RIN2: variants seen among roughly 807,000 people sequenced by gnomAD.
RIN2 encodes RAB5 interacting protein 2.
RIN2 carries 36 observed loss-of-function variants against 78.0 expected under a neutral mutation model. The ratio of observed to expected loss-of-function variants is 0.46; its 90% CI spans 0.35 to 0.61. RIN2 has a LOEUF of 0.61. RIN2 is among the 20% of genes least tolerant of loss of function. The pLI is 0.00. For synonymous variants in RIN2, 466 were observed against 466.8 expected (o/e 1.00, Z 0.02); for missense variants, 1,087 against 1,159.7 (o/e 0.94, Z 0.91).
At position 19,920,168 on chromosome 20, in the gene RIN2, C is replaced by T. The variant is rs181915053; in HGVS notation, c.58-14931C>T. ...AAAATTAGCCAGGCATGGTGGCGGGCGCCTATAGTCCCAGCTACTTGGGAG... is the reference window on the plus strand; with the variant it reads ...AAAATTAGCCAGGCATGGTGGCGGGTGCCTATAGTCCCAGCTACTTGGGAG... On this transcript the variant is annotated intron_variant, in intron 3 of 12. Coordinates refer to ENST00000255006, the MANE Select transcript of RIN2 (RefSeq NM_018993.4). 8.1e-3 allele frequency among the ~76,000 whole-genome samples: 1,231 copies of T among 152,042 alleles called. 13 individuals carry two copies. The highest frequency in any genetic ancestry group is 0.013 in the Non-Finnish European group (850 of 67,978).
chr20:19,861,437 A>G (rs2123281706), intron 2 of RIN2, among the ~76,000 whole-genome samples: 1 of 152,266 alleles, frequency 6.6e-6, no homozygotes. Context: ...GCACTTCCTT[A>G]TAAAATCTAG....
At chr20:19,819,296 GAGA>G (rs1568781705) in intron 2 of RIN2, among the ~76,000 whole-genome samples, 1 of 152,222 alleles carries the variant, frequency 6.6e-6, no homozygotes, top group East Asian at 1.9e-4. Context: ...ACACAGCAGA[GAGA>G]AGAAGAACCA....
intron 10 of RIN2, among the ~76,000 whole-genome samples, chr20:19,991,612 A>C (rs555935581): frequency 5.9e-5 from 9 of 152,214 alleles, no homozygotes; most frequent in Non-Finnish European, 1.0e-4. Flanking sequence ...AGAAGTAAAC[A>C]CTAACATTTT....
At chr20:19,813,063 C>T (rs1016384136) in intron 2 of RIN2, among the ~76,000 whole-genome samples, 42 of 152,200 alleles carry the variant, frequency 2.8e-4, no homozygotes, top group African/African-American at 8.0e-4. Flanking sequence ...GCAGGAAGAA[C>T]ACAGGCACTA....
intron 2 of RIN2, among the ~76,000 whole-genome samples, chr20:19,801,646 T>G (rs572988131): frequency 2.1e-4 from 32 of 152,314 alleles, no homozygotes; most frequent in African/African-American, 7.7e-4. Context: ...GTGATCAATG[T>G]CTCTATCCCT....
intron 1 of RIN2, among the ~76,000 whole-genome samples, chr20:19,786,991 A>G (rs773518398): frequency 3.9e-5 from 6 of 152,172 alleles, no homozygotes; most frequent in Admixed American, 3.3e-4. Context: ...TTGTTTCTGG[A>G]TGGGATAAAG....
intron 3 of RIN2, among the ~76,000 whole-genome samples, chr20:19,918,691 A>G (rs2039784737): frequency 6.6e-6 from 1 of 151,998 alleles, no homozygotes. Context: ...TCTCTTTTCT[A>G]CTGGACAAAC....
chr20:19,809,944 T>C (rs753370756), intron 2 of RIN2, among the ~76,000 whole-genome samples: 1 of 152,090 alleles, frequency 6.6e-6, no homozygotes. Flanking sequence ...CCAGGAAAGC[T>C]AGATGGCCGC....
At chr20:19,992,605 A>G (rs980783982) in intron 11 of RIN2, among the ~76,000 whole-genome samples, 3 of 152,212 alleles carry the variant, frequency 2.0e-5, no homozygotes, top group Non-Finnish European at 4.4e-5. Context: ...CAAAAGTAAT[A>G]CACACTCGTG....
chr20:19,902,097 T>G (rs2039014722), intron 3 of RIN2, among the ~76,000 whole-genome samples: 1 of 152,128 alleles, frequency 6.6e-6, no homozygotes, highest in African/African-American at 2.4e-5. Context: ...ACCATTAACT[T>G]ATTTAATCCT....
intron 4 of RIN2, among the ~76,000 whole-genome samples, chr20:19,942,739 CT>C (rs1360573949): frequency 6.6e-6 from 1 of 152,170 alleles, no homozygotes; most frequent in African/African-American, 2.4e-5. Context: ...GAAATTGATT[CT>C]GTTTTTGTTG....
intron 2 of RIN2, among the ~76,000 whole-genome samples, chr20:19,875,391 T>TC (rs1350182587): frequency 6.6e-6 from 1 of 152,024 alleles, no homozygotes; most frequent in Non-Finnish European, 1.5e-5. Flanking sequence ...GGTCTCAAAC[T>TC]CCTGACCTTG....
intron 3 of RIN2, among the ~76,000 whole-genome samples, chr20:19,898,504 TAAATAGTAAAACTGGTTCAAA>T (rs2038838956): frequency 6.6e-6 from 1 of 152,214 alleles, no homozygotes; most frequent in Non-Finnish European, 1.5e-5. Context: ...AGGAAACCAG[TAAATAGTAAAACTGGTTCAAA>T]AAATGCTTTG....
chr20:19,768,815 T>C (rs1332995312), intron 1 of RIN2, among the ~76,000 whole-genome samples: 1 of 152,176 alleles, frequency 6.6e-6, no homozygotes, highest in Non-Finnish European at 1.5e-5. Flanking sequence ...CCCACACTTC[T>C]GGTGCTGATT....
chr20:19,798,512 G>A (rs1002621858), intron 1 of RIN2, among the ~76,000 whole-genome samples: 6 of 152,056 alleles, frequency 3.9e-5, no homozygotes, highest in African/African-American at 1.4e-4. Flanking sequence ...AAAAAAGAAT[G>A]AGATAACCTT....
intron 1 of RIN2, among the ~76,000 whole-genome samples, chr20:19,789,873 TCTC>T (rs930723939): frequency 3.9e-5 from 6 of 152,184 alleles, no homozygotes; most frequent in Non-Finnish European, 8.8e-5. Flanking sequence ...CTCCTTTGGT[TCTC>T]CTCTTATCTG....
intron 2 of RIN2, among the ~76,000 whole-genome samples, chr20:19,855,082 T>A (rs1402989324): frequency 6.6e-6 from 1 of 152,240 alleles, no homozygotes; most frequent in Non-Finnish European, 1.5e-5. Flanking sequence ...TGAGAGTTTT[T>A]GGCATGAAGG....
At chr20:19,825,476 CTT>C (rs2036062504) in intron 2 of RIN2, among the ~76,000 whole-genome samples, 1 of 152,322 alleles carries the variant, frequency 6.6e-6, no homozygotes, top group African/African-American at 2.4e-5. Context: ...CCAGTCCTCT[CTT>C]AAACTAAACT....
At chr20:19,890,679 C>CAAAAAAAAAAAAAAAAAAAAAAAAAAAA (rs534202183) in intron 3 of RIN2, among the ~76,000 whole-genome samples, 1 of 64,446 alleles carries the variant, frequency 1.6e-5, no homozygotes, top group African/African-American at 5.7e-5. Context: ...GTTGACTCTA[C>CAAAAAAAAAAAAAAAAAAAAAAAAAAAA]AAAAAAAAAA....
Sources: gnomAD v4.1 joint callset for allele counts (sites outside exome capture counted in the v4.1 genomes callset) on GRCh38, gnomAD v4.1.1 for gene constraint, MANE v1.5 for transcripts, NCBI Gene and HGNC (gene_info 2026-07-23, HGNC 2026-07-21) for gene names.